The following PLAGL1 variants were observed in gnomAD, a reference collection of about 807,000 sequenced individuals.
PLAGL1 encodes the protein PLAG1 like zinc finger 1.
Under a neutral mutation model 4.6 loss-of-function variants are expected in PLAGL1, and 1 was observed. That is an observed-to-expected ratio of 0.22 (90% CI 0.08 to 1.03). PLAGL1 has a LOEUF of 1.03. PLAGL1 is among the 50% of genes least tolerant of loss of function. The pLI is 0.58. For missense variants in PLAGL1, 464 were observed against 570.4 expected, an observed-to-expected ratio of 0.81 and a Z score of 1.90; for synonymous variants, 240 against 237.8, an observed-to-expected ratio of 1.01 and a Z score of -0.08.
Position 143,982,801 on chromosome 6 carries a change from G to A in PLAGL1, c.-544+2334C>T, listed in dbSNP as rs542314633. Among the ~76,000 whole-genome samples, 13 of 152,166 alleles carry A rather than the reference G, an allele frequency of 8.5e-5. No homozygotes were observed. Among genetic ancestry groups the A allele is most frequent in the African/African-American group, 2.4e-4 (10 of 41,524 alleles). ...CTGGAAGAAGAGTCTTCCTCATCTC[G>A]GTAAATGGCTACTTAGGATGAAGGA... On this transcript the variant is annotated intron_variant, in intron 2 of 7. Coordinates refer to ENST00000674357, the MANE Select transcript of PLAGL1 (RefSeq NM_001317162.2). The surrounding 1 kb of genome is among the most constrained non-coding windows in gnomAD (Gnocchi z 5.3).
intron 1 of PLAGL1, among the ~76,000 whole-genome samples, chr6:144,051,953 C>T (rs1306424826): frequency 6.6e-6 from 1 of 152,182 alleles, no homozygotes; most frequent in Non-Finnish European, 1.5e-5. Flanking sequence ...CAAACCATAT[C>T]ACATATATTC....
rs1051190270 is a variant in PLAGL1, at chr6:143,963,907, G to A, written c.-399+880C>T. On this transcript the variant is annotated intron_variant, in intron 5 of 7. Transcript: ENST00000674357. This position sits in a 1 kb window ranked among gnomAD's most constrained non-coding sequence, Gnocchi z 6.1. ...TCTAGCTCATTTAAAACAGGTGGCA[G>A]GCTTTGTAATCCCTTGTATTTTCAT... is the stretch of plus-strand genomic sequence containing the variant. Among the ~76,000 whole-genome samples the A allele has an allele frequency of 6.6e-6, 1 of 152,188 alleles. No homozygotes were observed. The highest frequency in any genetic ancestry group is 2.1e-4 in the South Asian group (1 of 4,832).
rs1780580553 is a variant in PLAGL1 at position 143,949,572 on chromosome 6, C to T, written c.-324-1112G>A. Among the ~76,000 whole-genome samples, 1 of 152,224 alleles carries T rather than the reference C, an allele frequency of 6.6e-6. No individual in the cohort carries two copies. The highest frequency in any genetic ancestry group is 6.5e-5 in the Admixed American group (1 of 15,284). On this transcript the variant is annotated intron_variant, in intron 6 of 7. Coordinates refer to ENST00000674357, the MANE Select transcript of PLAGL1 (RefSeq NM_001317162.2). The surrounding 1 kb of genome is among the most constrained non-coding windows in gnomAD (Gnocchi z 5.3). ...TGCCACTACCTGCCAGGGTAAAGCC[C>T]TGGATCACTACCACCCTGTGCTATT...
rs895287940 is a variant in PLAGL1, at chr6:143,962,799, TA to T, written c.-399+1987del. On this transcript the variant is annotated intron_variant, in intron 5 of 7. Coordinates refer to ENST00000674357, the MANE Select transcript of PLAGL1 (RefSeq NM_001317162.2). The surrounding 1 kb of genome is among the most constrained non-coding windows in gnomAD (Gnocchi z 5.3). ...TTCTCCAAACTGACTTTTTTATTTC[TA>T]ATGATTTGAGTGGGAAAGAATTGGG... Among the ~76,000 whole-genome samples, 1 of 152,244 alleles carries T rather than the reference TA, an allele frequency of 6.6e-6. No individual in the cohort carries two copies. The highest frequency in any genetic ancestry group is 2.4e-5 in the African/African-American group (1 of 41,466).
rs1170816491 is a variant in PLAGL1, at chr6:143,952,933, A to G, written c.-324-4473T>C. ...AGCTATTTAGAAATGTCATCAGGAG[A>G]AAGATGATATCCAGAACCTCCAGGT... On this transcript the variant is annotated intron_variant, in intron 6 of 7. Transcript: ENST00000674357. This position sits in a 1 kb window ranked among gnomAD's most constrained non-coding sequence, Gnocchi z 6.1. Among the ~76,000 whole-genome samples the G allele has an allele frequency of 2.0e-5, 3 of 152,216 alleles. No homozygotes were observed. The highest frequency in any genetic ancestry group is 7.2e-5 in the African/African-American group (3 of 41,466).
chr6:143,994,282 C>T lies in PLAGL1; in HGVS notation c.-583-9108G>A, dbSNP rs74748302. Among the ~76,000 whole-genome samples, 12,137 of 152,174 alleles carry T rather than the reference C, an allele frequency of 0.08. 634 individuals carry two copies. The highest frequency in any genetic ancestry group is 0.18 in the East Asian group (949 of 5,178). ...TAATCTCAGAAAGGTGTCAGAAAAA[C>T]GAGGAATTTTCCTATATATTGTAAA... On this transcript the variant is annotated intron_variant, in intron 1 of 7. Coordinates refer to ENST00000674357, the MANE Select transcript of PLAGL1 (RefSeq NM_001317162.2). The surrounding 1 kb of genome is among the most constrained non-coding windows in gnomAD (Gnocchi z 4.3).
At chr6:144,040,078 T>G (rs1322044481) in intron 1 of PLAGL1, among the ~76,000 whole-genome samples, 1 of 152,098 alleles carries the variant, frequency 6.6e-6, no homozygotes, top group Non-Finnish European at 1.5e-5. Context: ...ATAAAAATAC[T>G]GCACAGTGAT....
At chr6:143,988,288 ACT>A (rs1373156280) in intron 1 of PLAGL1, among the ~76,000 whole-genome samples, 1 of 152,184 alleles carries the variant, frequency 6.6e-6, no homozygotes, top group African/African-American at 2.4e-5. Context: ...TGTTTATGTC[ACT>A]GTTTTTAAGT....
Position 143,955,177 on chromosome 6 carries a change from A to G in PLAGL1, c.-325+5292T>C, listed in dbSNP as rs1463194965. Among the ~76,000 whole-genome samples the G allele has an allele frequency of 6.6e-6, 1 of 152,204 alleles. No homozygotes were observed. Among genetic ancestry groups the G allele is most frequent in the East Asian group, 1.9e-4 (1 of 5,202 alleles). On this transcript the variant is annotated intron_variant, in intron 6 of 7. Transcript: ENST00000674357. The surrounding 1 kb of genome is among the most constrained non-coding windows in gnomAD (Gnocchi z 4.9). Reference sequence around the variant, plus strand: ...AGGCAGTGACCATCTCTTGCTTGGGAGATCAAGAAAGGTGTCACAGAGAAG... The same window carrying G: ...AGGCAGTGACCATCTCTTGCTTGGGGGATCAAGAAAGGTGTCACAGAGAAG...
At position 144,008,196 on chromosome 6, in the gene PLAGL1, CT is replaced by C. The variant is rs1248693762; in HGVS notation, c.-691del. On this transcript the variant is annotated 5_prime_UTR_variant, in exon 1 of 8. Coordinates refer to ENST00000674357, the MANE Select transcript of PLAGL1 (RefSeq NM_001317162.2). The surrounding 1 kb of genome is among the most constrained non-coding windows in gnomAD (Gnocchi z 6.9). ...GCGCCCCGCGCGCCAAGGCCCCGCG[CT>C]GCTGAGCTGTGAGCACGGCTGCCCC... The C allele has an allele frequency of 6.6e-6, 1 of 152,026 alleles. No individual in the cohort carries two copies. The highest frequency in any genetic ancestry group is 2.4e-5 in the African/African-American group (1 of 41,406). The allele number at this position is 152,026 out of a possible 1,614,324, so 9.4% of individuals were successfully genotyped here.
In PLAGL1 at chr6:143,965,648, A is replaced by G. The variant is rs1784290201; in HGVS notation, c.-431+510T>C. 1 of 152,204 alleles carries G rather than the reference A, an allele frequency of 6.6e-6. No individual in the cohort carries two copies. Among genetic ancestry groups the G allele is most frequent in the South Asian group, 2.1e-4 (1 of 4,828 alleles). 9.4% of individuals were successfully genotyped at this position (152,204 alleles called of 1,614,324 possible). On this transcript the variant is annotated intron_variant, in intron 4 of 7. Coordinates refer to ENST00000674357, the MANE Select transcript of PLAGL1 (RefSeq NM_001317162.2). The surrounding 1 kb of genome is among the most constrained non-coding windows in gnomAD (Gnocchi z 7.5). Reference sequence around the variant, plus strand: ...TGTGTTAAATTGTACCCAAGAAGATAACTCACAAGGCAAGGAACACGGAAG... The same window carrying G: ...TGTGTTAAATTGTACCCAAGAAGATGACTCACAAGGCAAGGAACACGGAAG...
rs144522703 is a variant in PLAGL1, at chr6:144,046,208, G to A, written c.-151+18260C>T. On this transcript the variant is annotated intron_variant, in intron 1 of 3. Coordinates refer to the PLAGL1 transcript ENST00000437412. ...TGTCAACTCCTCAAAGTCATTCTCT[G>A]TCCAGCTTTGTTCTGTTGCTGGCAA... is the stretch of plus-strand genomic sequence containing the variant. 7.0e-4 allele frequency among the ~76,000 whole-genome samples: 106 copies of A among 152,214 alleles called. 1 individual carries two copies. Among genetic ancestry groups the A allele is most frequent in the African/African-American group, 2.4e-3 (100 of 41,530 alleles).
At position 143,953,673 on chromosome 6, in the gene PLAGL1, T is replaced by C. The variant is rs1233113197; in HGVS notation, c.-324-5213A>G. 6.6e-6 allele frequency among the ~76,000 whole-genome samples: 1 copy of C among 152,094 alleles called. No individual in the cohort carries two copies. The highest frequency in any genetic ancestry group is 1.5e-5 in the Non-Finnish European group (1 of 68,010). ...GATTTTTCTAAAACACAGCCTAATA[T>C]AAAAGGGAGAAAACAACAAATTTTG... On this transcript the variant is annotated intron_variant, in intron 6 of 7. Transcript: ENST00000674357. The surrounding 1 kb of genome is among the most constrained non-coding windows in gnomAD (Gnocchi z 5.3).
chr6:143,942,546 G>C lies in PLAGL1; in HGVS notation c.270C>G (p.Ala90=). Residue 90 remains alanine, a synonymous_variant, in exon 8 of 8, where the codon GCC becomes GCG. Coordinates refer to ENST00000674357, the MANE Select transcript of PLAGL1 (RefSeq NM_001317162.2). This position sits in a 1 kb window ranked among gnomAD's most constrained non-coding sequence, Gnocchi z 7.6. ...TCTTCCCACACTCCTCACACCCAAA[G>C]GCCATTTTGTTGGGGTCGTGGGTCT... ...HLQTHDPNKM[A]FGCEECGKKY... 1.2e-6 allele frequency: 2 copies of C among 1,614,118 alleles called. No individual in the cohort carries two copies. The highest frequency in any genetic ancestry group is 1.7e-6 in the Non-Finnish European group (2 of 1,180,024).
intron 1 of PLAGL1, among the ~76,000 whole-genome samples, chr6:144,019,098 C>G (rs186699449): frequency 6.6e-6 from 1 of 152,074 alleles, no homozygotes; most frequent in South Asian, 2.1e-4. Flanking sequence ...TAAAGACAAA[C>G]GCTGAGATTC....
rs965500566 is a variant in PLAGL1 at position 144,013,490 on chromosome 6, G to A, written c.-150-44512C>T. On this transcript the variant is annotated intron_variant, in intron 1 of 3. Transcript: ENST00000437412. The surrounding 1 kb of genome is among the most constrained non-coding windows in gnomAD (Gnocchi z 4.4). The stretch of plus-strand genomic sequence containing the variant: ...GATAGTGGCTATATTTTATCCTATA[G>A]CTGCCATAACAAATTACCACAAACT... Among the ~76,000 whole-genome samples the A allele has an allele frequency of 6.6e-6, 1 of 152,310 alleles. No homozygotes were observed.
At chr6:143,977,470 C>CTTTTTTTTTTTTTTT (rs34750629) in intron 2 of PLAGL1, among the ~76,000 whole-genome samples, 15 of 69,340 alleles carry the variant, frequency 2.2e-4, no homozygotes, top group East Asian at 1.3e-3. Flanking sequence ...TCTTCTTCTT[C>CTTTTTTTTTTTTTTT]TTTTTTTTTT....
chr6:143,985,982 T>TTTTATATATA lies in PLAGL1; in HGVS notation c.-583-809_-583-808insTATATATAAA, dbSNP rs372792641. On this transcript the variant is annotated intron_variant, in intron 1 of 7. Coordinates refer to ENST00000674357, the MANE Select transcript of PLAGL1 (RefSeq NM_001317162.2). This position sits in a 1 kb window ranked among gnomAD's most constrained non-coding sequence, Gnocchi z 4.4. ...TATATCAAATTATATATATATAAAA[T>TTTTATATATA]TATATATATATATATATATATATAT... Among the ~76,000 whole-genome samples the TTTTATATATA allele has an allele frequency of 9.0e-6, 1 of 111,576 alleles. No homozygotes were observed. The highest frequency in any genetic ancestry group is 9.1e-5 in the Admixed American group (1 of 11,010). 73.2% of individuals were successfully genotyped at this position (111,576 alleles called of 152,430 possible).
chr6:144,008,655 C>T (rs756166957), upstream of PLAGL1: 9 of 152,428 alleles, frequency 5.9e-5, no homozygotes, highest in Non-Finnish European at 1.3e-4. This position sits in a 1 kb window ranked among gnomAD's most constrained non-coding sequence, Gnocchi z 6.9. Flanking sequence ...AAGTCTCCGC[C>T]AGGATGGGCC....
Sources: allele counts gnomAD v4.1 joint callset (sites outside exome capture counted in the v4.1 genomes callset), GRCh38; gene constraint gnomAD v4.1.1; non-coding constraint Gnocchi (gnomAD v3.1); transcripts MANE v1.5; gene names NCBI Gene and HGNC (gene_info 2026-07-23, HGNC 2026-07-21).